The following RXFP1 variants were observed in gnomAD, a reference collection of about 807,000 sequenced individuals.
RXFP1 encodes relaxin receptor 1.
RXFP1 carries 73 observed loss-of-function variants against 89.8 expected under a neutral mutation model. That is an observed-to-expected ratio of 0.81 (90% confidence interval 0.67 to 0.99). The LOEUF (loss-of-function observed/expected upper bound fraction) is 0.99, where lower values mean the gene tolerates loss of function less well. Among genes scored for constraint, RXFP1 ranks in the 50% least tolerant of loss-of-function variants. RXFP1 has a pLI of 0.00. For synonymous variants in RXFP1, 277 were observed against 305.5 expected (o/e 0.91, Z 0.97); for missense variants, 793 against 895.5 (o/e 0.89, Z 1.46).
chr4:158,644,736 G>T (rs11946226), intron 14 of RXFP1, among the ~76,000 whole-genome samples, 173 bp from the exon 15 acceptor site: 26,070 of 152,176 alleles, frequency 0.17, 2,801 homozygotes, highest in African/African-American at 0.28. Flanking sequence ...ATGAAATCAA[G>T]CTAATGATAA....
intron 16 of RXFP1, 78 bp from the exon 17 acceptor site, chr4:158,648,421 A>G (rs910863553): frequency 1.0e-5 from 9 of 869,882 alleles, no homozygotes; most frequent in Non-Finnish European, 1.4e-5. Context: ...CTTTAATAAT[A>G]AAAATGTTTT....
At chr4:158,567,229 T>G (rs1403188052) in intron 1 of RXFP1, among the ~76,000 whole-genome samples, 2 of 152,036 alleles carry the variant, frequency 1.3e-5, no homozygotes, top group African/African-American at 4.8e-5. Context: ...CCGACGACCA[T>G]GGCCCCCTGC....
intron 1 of RXFP1, among the ~76,000 whole-genome samples, chr4:158,541,710 A>G (rs1746678275): frequency 6.6e-6 from 1 of 152,066 alleles, no homozygotes; most frequent in African/African-American, 2.4e-5. Context: ...TTGCTGAATC[A>G]TTTGAGACTC....
At chr4:158,613,793 G>A (rs1764000324) in intron 8 of RXFP1, among the ~76,000 whole-genome samples, 3 of 152,190 alleles carry the variant, frequency 2.0e-5, no homozygotes, top group Admixed American at 2.0e-4. Flanking sequence ...GTTCTTAATG[G>A]CATCTAGAAT....
intron 1 of RXFP1, among the ~76,000 whole-genome samples, chr4:158,529,240 GTTT>G (rs60839416): frequency 1.5e-5 from 2 of 134,026 alleles, no homozygotes; most frequent in African/African-American, 7.2e-5. Context: ...TTGCTTGCTT[GTTT>G]TTTGTTGTTG....
chr4:158,652,020 A>T lies in RXFP1; in HGVS notation c.2239A>T (p.Ile747Phe). The T allele has an allele frequency of 6.2e-7, 1 of 1,613,332 alleles. No homozygotes were observed. Among genetic ancestry groups the T allele is most frequent in the East Asian group, 2.2e-5 (1 of 44,860 alleles). ...LFTYPCEMSL[I>F]SQSTRLNSYS Reference sequence around the variant, plus strand: ...CACATACCCCTGTGAAATGTCACTGATTTCTCAATCAACGAGACTCAATTC... The same window carrying T: ...CACATACCCCTGTGAAATGTCACTGTTTTCTCAATCAACGAGACTCAATTC... The change falls in exon 18 of 18, where the codon ATT becomes TTT. Residue 747 changes from isoleucine to phenylalanine, a missense_variant. Transcript: ENST00000307765.
intron 1 of RXFP1, among the ~76,000 whole-genome samples, chr4:158,548,811 G>A (rs146732533): frequency 0.023 from 3,560 of 152,266 alleles, 122 homozygotes; most frequent in African/African-American, 0.077. Context: ...AGTTTCTGCC[G>A]AGAGATCAGC....
At chr4:158,545,837 G>T (rs1322433458) in intron 1 of RXFP1, among the ~76,000 whole-genome samples, 1 of 152,220 alleles carries the variant, frequency 6.6e-6, no homozygotes, top group Non-Finnish European at 1.5e-5. Context: ...GTGCCATGCT[G>T]TTTTGGTTAC....
intron 16 of RXFP1, among the ~76,000 whole-genome samples, 183 bp downstream of exon 16, chr4:158,647,384 C>T (rs1264386547): frequency 6.6e-6 from 1 of 152,174 alleles, no homozygotes; most frequent in African/African-American, 2.4e-5. Context: ...ACCTGTATTT[C>T]ATGTATTCAC....
intron 1 of RXFP1, among the ~76,000 whole-genome samples, chr4:158,550,926 G>A (rs181163930): frequency 6.6e-6 from 1 of 152,000 alleles, no homozygotes; most frequent in East Asian, 1.9e-4. Context: ...AGTGAAACAA[G>A]GCATGCAAAG....
intron 1 of RXFP1, among the ~76,000 whole-genome samples, chr4:158,554,729 A>C (rs1201385239): frequency 6.6e-6 from 1 of 152,110 alleles, no homozygotes; most frequent in Non-Finnish European, 1.5e-5. Context: ...AAAAAAAAAA[A>C]ATAGGTGTAT....
At chr4:158,573,012 G>C in intron 2 of RXFP1, 177 bp downstream of exon 2, 1 of 915,394 alleles carries the variant, frequency 1.1e-6, no homozygotes, top group Non-Finnish European at 1.5e-6. Context: ...TTCTTTTCTT[G>C]TTTTTGTTTT....
chr4:158,626,111 TATAG>T (rs71587463), intron 9 of RXFP1, among the ~76,000 whole-genome samples: 28,541 of 135,848 alleles, frequency 0.21, 3,364 homozygotes, highest in East Asian at 0.3. Flanking sequence ...TAGATATCTA[TATAG>T]ATAGATAGAT....
chr4:158,568,926 T>C (rs879793966), intron 1 of RXFP1, among the ~76,000 whole-genome samples: 17 of 152,252 alleles, frequency 1.1e-4, no homozygotes, highest in Non-Finnish European at 2.2e-4. Context: ...ATTCAAACTA[T>C]TCTGTTCTTA....
chr4:158,586,117 G>C (rs540284341), intron 2 of RXFP1, among the ~76,000 whole-genome samples: 7 of 152,206 alleles, frequency 4.6e-5, no homozygotes, highest in Admixed American at 1.3e-4. Flanking sequence ...AAATAAATGA[G>C]AGTCTCCAGT....
At chr4:158,568,984 C>G (rs1225729316) in intron 1 of RXFP1, among the ~76,000 whole-genome samples, 1 of 152,172 alleles carries the variant, frequency 6.6e-6, no homozygotes. Context: ...GATTTACAAA[C>G]TTGGTAAGGA....
chr4:158,561,953 T>G (rs1752542429), intron 1 of RXFP1, among the ~76,000 whole-genome samples: 1 of 152,154 alleles, frequency 6.6e-6, no homozygotes. Flanking sequence ...AATGCATGCT[T>G]AAAAACTTTA....
At chr4:158,568,547 A>G (rs1267533793) in intron 1 of RXFP1, among the ~76,000 whole-genome samples, 1 of 152,180 alleles carries the variant, frequency 6.6e-6, no homozygotes, top group African/African-American at 2.4e-5. Flanking sequence ...CTCAACACAG[A>G]TTGGTTTATT....
At chr4:158,591,767 T>G (rs1313447974) in intron 2 of RXFP1, among the ~76,000 whole-genome samples, 1 of 152,070 alleles carries the variant, frequency 6.6e-6, no homozygotes, top group Non-Finnish European at 1.5e-5. Context: ...TTTTTAATTT[T>G]AAAAATTTTA....
Sources: allele counts gnomAD v4.1 joint callset (sites outside exome capture counted in the v4.1 genomes callset), GRCh38; gene constraint gnomAD v4.1.1; transcripts MANE v1.5; gene names NCBI Gene and HGNC (gene_info 2026-07-23, HGNC 2026-07-21).